The following FAM131C variants were observed in gnomAD, a reference collection of about 807,000 sequenced individuals.
The protein encoded by FAM131C is family with sequence similarity 131 member C, also known as protein FAM131C.
A neutral mutation model predicts 29.8 loss-of-function variants in FAM131C; 14 were observed. That is an observed-to-expected ratio of 0.47 (90% confidence interval 0.31 to 0.73). The LOEUF is 0.73. FAM131C is among the 30% of genes least tolerant of loss of function. FAM131C has a pLI of 0.05. For synonymous variants in FAM131C, 86 were observed against 157.8 expected (o/e 0.54, Z 3.41); for missense variants, 252 against 383.8 (o/e 0.66, Z 2.87).
chr1:16,063,902 C>G (rs909307886), intron 1 of FAM131C, among the ~76,000 whole-genome samples: 1 of 151,974 alleles, frequency 6.6e-6, no homozygotes, highest in Non-Finnish European at 1.5e-5. Context: ...ATTTTGGCCT[C>G]GTGGAGATCT....
intron 4 of FAM131C, among the ~76,000 whole-genome samples, chr1:16,061,334 A>T (rs1395813506): frequency 6.6e-6 from 1 of 151,914 alleles, no homozygotes; most frequent in Non-Finnish European, 1.5e-5. Context: ...GTGGGGAGGG[A>T]GGGCCCCAGG....
chr1:16,073,395 C>T lies in FAM131C; in HGVS notation c.22+26G>A. ...TGCGCGGGTCCCCGGCACCCGATCC[C>T]CCCGCCCCCGGCCGGGCCCCCTCAC... is the stretch of plus-strand genomic sequence containing the variant. On this transcript the variant is annotated intron_variant, in intron 1 of 6. Coordinates refer to ENST00000375662, the MANE Select transcript of FAM131C (RefSeq NM_182623.3). The T allele has an allele frequency of 2.5e-6, 3 of 1,197,224 alleles. No individual in the cohort carries two copies. In the South Asian group the frequency reaches 1.3e-4, roughly 50 times the overall value. The allele number at this position is 1,197,224 out of a possible 1,614,324, so 74.2% of individuals were successfully genotyped here.
At chr1:16,060,335 C>T (rs1263428241) in intron 4 of FAM131C, among the ~76,000 whole-genome samples, 1 of 124,222 alleles carries the variant, frequency 8.1e-6, no homozygotes, top group Non-Finnish European at 1.9e-5. Flanking sequence ...GCATCCTACT[C>T]CCAGTCCATG....
chr1:16,067,865 C>T (rs2023699520), intron 1 of FAM131C, among the ~76,000 whole-genome samples: 1 of 152,168 alleles, frequency 6.6e-6, no homozygotes, highest in Non-Finnish European at 1.5e-5. Context: ...AAGCTGTTCT[C>T]TGGGGCTCCG....
chr1:16,068,683 C>G (rs1171346705), intron 1 of FAM131C, among the ~76,000 whole-genome samples: 1 of 152,150 alleles, frequency 6.6e-6, no homozygotes, highest in East Asian at 1.9e-4. Flanking sequence ...GTTGGCTCAG[C>G]TCAGAGCTAT....
intron 3 of FAM131C, 137 bp downstream of exon 3, chr1:16,062,362 C>T (rs1570354313): frequency 3.6e-6 from 5 of 1,399,098 alleles, no homozygotes; most frequent in Non-Finnish European, 3.8e-6. Context: ...GGACAACCCC[C>T]ACCCACTGTT....
chr1:16,066,785 T>C (rs2023688658), intron 1 of FAM131C, among the ~76,000 whole-genome samples: 1 of 152,048 alleles, frequency 6.6e-6, no homozygotes, highest in African/African-American at 2.4e-5. Context: ...TGATGCAAAA[T>C]ATATTATTCC....
chr1:16,073,010 T>C (rs1454188585), intron 1 of FAM131C, among the ~76,000 whole-genome samples: 7 of 146,716 alleles, frequency 4.8e-5, no homozygotes, highest in Admixed American at 3.4e-4. Context: ...GGGGGTGAGC[T>C]GGTAAGACCT....
In FAM131C at chr1:16,063,630, A is replaced by G; in HGVS notation, c.29T>C (p.Phe10Ser). 2 of 1,608,358 alleles carry G rather than the reference A, an allele frequency of 1.2e-6. No homozygotes were observed. Among genetic ancestry groups the G allele is most frequent in the South Asian group, 2.2e-5 (2 of 90,586 alleles). Residue 10 changes from phenylalanine to serine, a missense_variant, in exon 2 of 7, where the codon TTC (phenylalanine) becomes TCC (serine). Physicochemically the swap from Phe to Ser is radical, Grantham distance 155. Transcript: ENST00000375662. ...GGGGCAGTTCTTGTGGGCACTTGTGAACAGGTCTGGAAATAAGAGCAAGAG... is the reference window on the plus strand; with the variant it reads ...GGGGCAGTTCTTGTGGGCACTTGTGGACAGGTCTGGAAATAAGAGCAAGAG... MGSCVSRDL[F>S]TSAHKNCPMP...
At chr1:16,060,110 GC>G in intron 4 of FAM131C, 59 bp from the exon 5 acceptor site, 4 of 877,114 alleles carry the variant, frequency 4.6e-6, no homozygotes, top group Non-Finnish European at 6.7e-6. Context: ...GCAGGGCCTG[GC>G]CCCCATGCCT....
chr1:16,072,654 C>T (rs1470494897), intron 1 of FAM131C, among the ~76,000 whole-genome samples: 1 of 152,082 alleles, frequency 6.6e-6, no homozygotes, highest in Non-Finnish European at 1.5e-5. Flanking sequence ...ACTGCCCATC[C>T]CCCAATCTCT....
chr1:16,070,011 C>T (rs985310380), intron 1 of FAM131C, among the ~76,000 whole-genome samples: 8 of 152,038 alleles, frequency 5.3e-5, no homozygotes, highest in African/African-American at 1.2e-4. Context: ...GCGATCCTCC[C>T]GCCTCAGCCT....
chr1:16,063,215 T>C (rs1358281182), intron 2 of FAM131C, among the ~76,000 whole-genome samples: 3 of 150,948 alleles, frequency 2.0e-5, no homozygotes, highest in Non-Finnish European at 4.4e-5. Context: ...ATATATAAAA[T>C]TTGTGAGGCT....
intron 1 of FAM131C, among the ~76,000 whole-genome samples, chr1:16,073,153 G>A (rs1012669963): frequency 2.6e-5 from 4 of 152,062 alleles, no homozygotes; most frequent in South Asian, 2.1e-4. Flanking sequence ...AGGGATGAGA[G>A]CGCGGCACGG....
intron 3 of FAM131C, 97 bp downstream of exon 3, chr1:16,062,402 G>C: frequency 1.1e-6 from 1 of 912,394 alleles, no homozygotes; most frequent in Non-Finnish European, 1.5e-6. Context: ...CCCGCCCCAG[G>C]GCCAGCAGGA....
intron 4 of FAM131C, among the ~76,000 whole-genome samples, chr1:16,061,706 C>G (rs527749975): frequency 6.6e-6 from 1 of 151,776 alleles, no homozygotes; most frequent in Non-Finnish European, 1.5e-5. Flanking sequence ...CTGCCTCCCC[C>G]GCTGCCTGCT....
intron 1 of FAM131C, 80 bp from the exon 2 acceptor site, chr1:16,063,716 A>C (rs1469114508): frequency 3.5e-5 from 32 of 918,906 alleles, no homozygotes; most frequent in Non-Finnish European, 5.3e-5. Context: ...GCCCCCCCGT[A>C]AGGTGAGTAT....
intron 1 of FAM131C, among the ~76,000 whole-genome samples, chr1:16,067,440 T>C (rs1362334186): frequency 6.6e-6 from 1 of 152,118 alleles, no homozygotes; most frequent in Non-Finnish European, 1.5e-5. Flanking sequence ...ACCCCCTTTC[T>C]TTCAGTCCAC....
At chr1:16,064,963 C>T (rs2023661834) in intron 1 of FAM131C, among the ~76,000 whole-genome samples, 1 of 152,224 alleles carries the variant, frequency 6.6e-6, no homozygotes, top group Non-Finnish European at 1.5e-5. Context: ...CCTGGGTCCC[C>T]TCTTTGGCTC....
Sources: allele counts gnomAD v4.1 joint callset (sites outside exome capture counted in the v4.1 genomes callset), GRCh38; gene constraint gnomAD v4.1.1; transcripts MANE v1.5; gene names NCBI Gene and HGNC (gene_info 2026-07-23, HGNC 2026-07-21).